PSMC6: variants seen among roughly 807,000 people sequenced by gnomAD.
PSMC6 encodes 26S proteasome regulatory subunit 10B.
In PSMC6, 3 loss-of-function variants were observed where a neutral mutation model predicts 55.9. That is an observed-to-expected ratio of 0.05 (90% confidence interval 0.02 to 0.14). The LOEUF (loss-of-function observed/expected upper bound fraction) is 0.14. Ranked by LOEUF, PSMC6 falls within the 10% of genes least tolerant of loss-of-function variation. PSMC6 has a pLI of 1.00. For synonymous variants in PSMC6, 137 were observed against 155.9 expected (o/e 0.88, Z 0.90); for missense variants, 210 against 478.7 (o/e 0.44, Z 5.24).
intron 13 of PSMC6, among the ~76,000 whole-genome samples, chr14:52,726,705 G>C (rs990856643): frequency 6.6e-6 from 1 of 151,856 alleles, no homozygotes; most frequent in African/African-American, 2.4e-5. Flanking sequence ...GCAGTGGTGC[G>C]ATCTTGGCTC....
intron 6 of PSMC6, among the ~76,000 whole-genome samples, chr14:52,712,420 AG>A (rs1376559083): frequency 1.3e-5 from 2 of 150,532 alleles, no homozygotes; most frequent in East Asian, 3.9e-4. Context: ...TATTAATGAA[AG>A]GGCAACAGAG....
chr14:52,725,964 C>A (rs1382111008), intron 13 of PSMC6, among the ~76,000 whole-genome samples: 1 of 152,196 alleles, frequency 6.6e-6, no homozygotes, highest in African/African-American at 2.4e-5. Context: ...CAGTCATTTC[C>A]ATTCACCCGG....
In PSMC6 at chr14:52,721,205, T is replaced by C; in HGVS notation, c.979+15T>C. The stretch of plus-strand genomic sequence containing the variant: ...TGGTGAAATAGGTAAGGAAGTCATC[T>C]ATTTTATATGTATTTACATTTGGTA... On this transcript the variant is annotated intron_variant, in intron 12 of 13. Transcript: ENST00000445930. The C allele has an allele frequency of 6.6e-7, 1 of 1,519,622 alleles. No homozygotes were observed. Among genetic ancestry groups the C allele is most frequent in the Non-Finnish European group, 8.9e-7 (1 of 1,122,060 alleles). 94.1% of individuals were successfully genotyped at this position (1,519,622 alleles called of 1,614,324 possible).
intron 9 of PSMC6, 139 bp from the exon 10 acceptor site, chr14:52,718,838 C>G: frequency 1.5e-6 from 1 of 671,808 alleles, no homozygotes; most frequent in Middle Eastern, 4.1e-4. Context: ...AAAATCAAGT[C>G]TAACTTTGTC....
chr14:52,707,490 C>T (rs1594845674), intron 1 of PSMC6, 186 bp downstream of exon 1: 1 of 687,064 alleles, frequency 1.5e-6, no homozygotes, highest in Non-Finnish European at 2.4e-6. Context: ...GTAGAAATGG[C>T]CCAGTCCAGC....
At chr14:52,711,077 A>G (rs759637753) in intron 4 of PSMC6, 24 bp from the exon 5 acceptor site, 27 of 1,568,914 alleles carry the variant, frequency 1.7e-5, no homozygotes, top group Non-Finnish European at 2.2e-5. Context: ...TGTTGATGTA[A>G]TATCTTTTGT....
At chr14:52,721,016 CT>C (rs767903213) in intron 11 of PSMC6, 35 bp downstream of exon 11, 2 of 1,600,618 alleles carry the variant, frequency 1.2e-6, no homozygotes, top group African/African-American at 2.7e-5. Context: ...GTCCATTTCC[CT>C]TTGTGCCCAT....
At chr14:52,709,514 C>T (rs2041742637) in intron 4 of PSMC6, 7 of 436,422 alleles carry the variant, frequency 1.6e-5, no homozygotes, top group Non-Finnish European at 3.2e-5. Flanking sequence ...AAGCGGTTGA[C>T]ATTTTCTAAG....
At chr14:52,726,924 G>A (rs1296393768) in intron 13 of PSMC6, among the ~76,000 whole-genome samples, 2 of 151,926 alleles carry the variant, frequency 1.3e-5, no homozygotes, top group East Asian at 3.9e-4. Context: ...TTACAGGTGT[G>A]AGCCACCGTG....
intron 1 of PSMC6, 129 bp downstream of exon 1, chr14:52,707,433 C>T: frequency 3.1e-6 from 4 of 1,284,652 alleles, no homozygotes; most frequent in Non-Finnish European, 4.3e-6. Flanking sequence ...AGGGACAAGG[C>T]GCTTTGTCAT....
intron 7 of PSMC6, among the ~76,000 whole-genome samples, 188 bp from the exon 8 acceptor site, chr14:52,717,893 T>C (rs2041846974): frequency 6.6e-6 from 1 of 152,054 alleles, no homozygotes; most frequent in Admixed American, 6.5e-5. Flanking sequence ...CTGTGCGTGA[T>C]GGCACATGCC....
intron 12 of PSMC6, chr14:52,721,426 T>C (rs575028511): frequency 5.2e-5 from 21 of 401,842 alleles, no homozygotes; most frequent in Non-Finnish European, 6.8e-5. Context: ...AGAGAACTTA[T>C]ATTCTTGTTA....
At chr14:52,715,619 C>CA (rs2041822241) in intron 7 of PSMC6, among the ~76,000 whole-genome samples, 1 of 140,990 alleles carries the variant, frequency 7.1e-6, no homozygotes, top group Non-Finnish European at 1.6e-5. Flanking sequence ...CTTTTCTTTT[C>CA]TTTTTTTTTT....
At chr14:52,709,011 C>T in intron 4 of PSMC6, 195 bp downstream of exon 4, 1 of 642,036 alleles carries the variant, frequency 1.6e-6, no homozygotes, top group Middle Eastern at 4.6e-4. Flanking sequence ...TCCGTACTTT[C>T]TACTGTATTA....
At chr14:52,717,750 G>A (rs1174092501) in intron 7 of PSMC6, among the ~76,000 whole-genome samples, 1 of 151,950 alleles carries the variant, frequency 6.6e-6, no homozygotes. Flanking sequence ...GGGTGCGGTG[G>A]CTCCTGCCTG....
chr14:52,716,188 A>T (rs1164925454), intron 7 of PSMC6, among the ~76,000 whole-genome samples: 1 of 152,222 alleles, frequency 6.6e-6, no homozygotes. Context: ...TATAAAAAAG[A>T]CAAAAGTGTT....
At chr14:52,724,148 G>A (rs1446030849) in intron 13 of PSMC6, 112 bp downstream of exon 13, 4 of 982,070 alleles carry the variant, frequency 4.1e-6, no homozygotes, top group Non-Finnish European at 6.1e-6. Flanking sequence ...TTGGGTTCAT[G>A]CTGTTCTTTT....
At chr14:52,718,185 C>G (rs372154274) in intron 8 of PSMC6, 43 bp downstream of exon 8, 113 of 1,608,506 alleles carry the variant, frequency 7.0e-5, no homozygotes, top group Admixed American at 1.5e-4. Context: ...TTTAATTTTA[C>G]TTGAATTATC....
rs1040246024 is a variant in PSMC6, at chr14:52,708,907, C to G, written c.258+91C>G. ...TAATTCTTGAGGCAAGCAGGTGGAG[C>G]ATTTATGCCCATAACTCACAAGGAT... On this transcript the variant is annotated intron_variant, in intron 4 of 13. Transcript: ENST00000445930. 24 of 1,539,628 alleles carry G rather than the reference C, an allele frequency of 1.6e-5. 1 individual carries two copies. The African/African-American group carries it at 1.8e-4, about 11-fold the overall frequency.
Sources: allele counts gnomAD v4.1 joint callset (sites outside exome capture counted in the v4.1 genomes callset), GRCh38; gene constraint gnomAD v4.1.1; transcripts MANE v1.5; gene names NCBI Gene and HGNC (gene_info 2026-07-23, HGNC 2026-07-21).